The following POFUT3 variants were observed in gnomAD, a reference collection of about 807,000 sequenced individuals.
POFUT3 encodes the protein GDP-fucose protein O-fucosyltransferase 3.
the POFUT3 span, among the ~76,000 whole-genome samples, chr8:33,382,383 C>A: frequency 3.6e-5 from 2 of 55,220 alleles, no homozygotes; most frequent in Non-Finnish European, 6.2e-5. Flanking sequence ...CATAAAATGA[C>A]AGCAAGGTGG....
the POFUT3 span, among the ~76,000 whole-genome samples, chr8:33,397,431 C>T: frequency 4.6e-5 from 7 of 152,166 alleles, no homozygotes; most frequent in African/African-American, 1.7e-4. Flanking sequence ...TTGCCACTAT[C>T]GCTGTCACCA....
At chr8:33,430,687 T>C in the POFUT3 span, among the ~76,000 whole-genome samples, 1 of 152,124 alleles carries the variant, frequency 6.6e-6, no homozygotes, top group Non-Finnish European at 1.5e-5. Flanking sequence ...CAACCTCCAC[T>C]TCCTGGGTTC....
the POFUT3 span, among the ~76,000 whole-genome samples, chr8:33,402,457 T>G: frequency 6.6e-6 from 1 of 152,072 alleles, no homozygotes; most frequent in Non-Finnish European, 1.5e-5. Flanking sequence ...CTTCTTAGAG[T>G]CTCTCTCTAC....
chr8:33,365,064 T>C, the POFUT3 span, among the ~76,000 whole-genome samples: 3 of 152,106 alleles, frequency 2.0e-5, no homozygotes, highest in South Asian at 2.1e-4. Context: ...AACAGATATA[T>C]AGACCAATGG....
chr8:33,364,025 AAC>A, the POFUT3 span, among the ~76,000 whole-genome samples: 2 of 152,206 alleles, frequency 1.3e-5, no homozygotes, highest in Non-Finnish European at 2.9e-5. Context: ...TCCTCAATAA[AAC>A]ACTGGCAAAC....
At chr8:33,471,179 G>T in the POFUT3 span, among the ~76,000 whole-genome samples, 1 of 152,254 alleles carries the variant, frequency 6.6e-6, no homozygotes, top group East Asian at 1.9e-4. Context: ...ATTAGATATT[G>T]AATATCTACC....
At chr8:33,398,575 C>T in the POFUT3 span, among the ~76,000 whole-genome samples, 1 of 152,142 alleles carries the variant, frequency 6.6e-6, no homozygotes, top group Non-Finnish European at 1.5e-5. Flanking sequence ...AGATCTTTTC[C>T]TCTTCCCAGG....
chr8:33,380,050 C>CAATATATATAT, the POFUT3 span, among the ~76,000 whole-genome samples: 1 of 48,726 alleles, frequency 2.1e-5, no homozygotes, highest in African/African-American at 1.6e-4. Flanking sequence ...GATATATATA[C>CAATATATATAT]ACTATATATA....
chr8:33,414,821 C>T, the POFUT3 span, among the ~76,000 whole-genome samples: 1 of 152,210 alleles, frequency 6.6e-6, no homozygotes, highest in East Asian at 1.9e-4. Flanking sequence ...CAAGAGTTGA[C>T]TTGGACACCT....
At chr8:33,317,216 A>T in the POFUT3 span, among the ~76,000 whole-genome samples, 1 of 152,302 alleles carries the variant, frequency 6.6e-6, no homozygotes, top group Non-Finnish European at 1.5e-5. Context: ...AAAGATAACA[A>T]CATATGTCCT....
the POFUT3 span, among the ~76,000 whole-genome samples, chr8:33,314,908 G>T: frequency 1.3e-5 from 2 of 152,142 alleles, no homozygotes; most frequent in African/African-American, 4.8e-5. Context: ...GGCTCCTATT[G>T]AAAATGCACA....
chr8:33,436,815 T>C, the POFUT3 span: 1 of 453,472 alleles, frequency 2.2e-6, no homozygotes, highest in South Asian at 2.4e-5. Context: ...AGAATCAGGA[T>C]GTCCATGTGC....
the POFUT3 span, among the ~76,000 whole-genome samples, chr8:33,356,406 A>C: frequency 6.6e-6 from 1 of 152,052 alleles, no homozygotes. Context: ...TTTGATTTGC[A>C]CTTCTCTGAT....
the POFUT3 span, among the ~76,000 whole-genome samples, chr8:33,343,039 A>C: frequency 3.3e-5 from 5 of 151,754 alleles, no homozygotes; most frequent in Non-Finnish European, 7.4e-5. Flanking sequence ...CCTAGGCGGC[A>C]GAGGTTGCAG....
At chr8:33,328,422 C>T in the POFUT3 span, among the ~76,000 whole-genome samples, 1,030 of 151,862 alleles carry the variant, frequency 6.8e-3, 14 homozygotes, top group African/African-American at 0.023. Context: ...TTCAAAATTC[C>T]CCAAGTCGGG....
At chr8:33,317,394 C>T in the POFUT3 span, among the ~76,000 whole-genome samples, 3 of 151,906 alleles carry the variant, frequency 2.0e-5, no homozygotes, top group Non-Finnish European at 4.4e-5. Context: ...CAGACCTCAA[C>T]GTTCCTTTCT....
chr8:33,356,992 T>C, the POFUT3 span, among the ~76,000 whole-genome samples: 2 of 152,106 alleles, frequency 1.3e-5, no homozygotes, highest in African/African-American at 4.8e-5. Context: ...AGATATGCAG[T>C]GTTATTTCTG....
At chr8:33,309,958 A>G in the POFUT3 span, among the ~76,000 whole-genome samples, 1 of 152,012 alleles carries the variant, frequency 6.6e-6, no homozygotes, top group Non-Finnish European at 1.5e-5. Flanking sequence ...TGAATTTCCA[A>G]CCCCCGTGCT....
chr8:33,443,779 C>CACTA, the POFUT3 span, among the ~76,000 whole-genome samples: 1 of 152,098 alleles, frequency 6.6e-6, no homozygotes, highest in Non-Finnish European at 1.5e-5. Context: ...AGGCATGAGC[C>CACTA]ACTACATCAG....
Sources: allele counts gnomAD v4.1 joint callset (sites outside exome capture counted in the v4.1 genomes callset), GRCh38; gene constraint gnomAD v4.1.1; transcripts MANE v1.5; gene names NCBI Gene and HGNC (gene_info 2026-07-23, HGNC 2026-07-21).